ADARB2: variants seen among roughly 807,000 people sequenced by gnomAD.
ADARB2 encodes inactive double-stranded RNA-specific editase B2.
In ADARB2, 25 loss-of-function variants were observed where a neutral mutation model predicts 62.2. The observed-to-expected ratio is 0.40, with a 90% CI of 0.29 to 0.56. ADARB2 has a LOEUF of 0.56. Among genes scored for constraint, ADARB2 ranks in the 20% least tolerant of loss-of-function variants. ADARB2 has a pLI of 0.43. For synonymous variants in ADARB2, 572 were observed against 500.8 expected, an observed-to-expected ratio of 1.14 and a Z score of -1.90; for missense variants, 1,071 against 1,077.4, an observed-to-expected ratio of 0.99 and a Z score of 0.08.
At chr10:1,648,011 A>G (rs1834068113) in intron 1 of ADARB2, among the ~76,000 whole-genome samples, 1 of 152,206 alleles carries the variant, frequency 6.6e-6, no homozygotes, top group African/African-American at 2.4e-5. Context: ...GAGTGGATAC[A>G]TGTCTTCTCT....
intron 1 of ADARB2, among the ~76,000 whole-genome samples, chr10:1,558,639 GCCCCCC>G (rs1564330155): frequency 7.0e-4 from 89 of 126,480 alleles, no homozygotes; most frequent in African/African-American, 2.5e-3. Context: ...TCCCACCTCT[GCCCCCC>G]TCCGTGGGTG....
At chr10:1,287,326 A>T (rs962107355) in intron 3 of ADARB2, among the ~76,000 whole-genome samples, 1 of 152,252 alleles carries the variant, frequency 6.6e-6, no homozygotes. Context: ...ATACATATAC[A>T]CATTGTGGGA....
At chr10:1,694,953 G>A (rs1834720452) in intron 1 of ADARB2, among the ~76,000 whole-genome samples, 1 of 152,170 alleles carries the variant, frequency 6.6e-6, no homozygotes. Flanking sequence ...AGGTTACACA[G>A]CTCCACGCCT....
At chr10:1,425,035 G>A (rs866796825) in intron 1 of ADARB2, among the ~76,000 whole-genome samples, 1 of 152,156 alleles carries the variant, frequency 6.6e-6, no homozygotes, top group East Asian at 1.9e-4. Context: ...CTCTTCTAAC[G>A]CACGTCCTGG....
At chr10:1,277,734 C>T (rs892751229) in intron 3 of ADARB2, among the ~76,000 whole-genome samples, 25 of 152,134 alleles carry the variant, frequency 1.6e-4, no homozygotes, top group Non-Finnish European at 2.8e-4. Context: ...AAAAGAGGGA[C>T]TCCTCCCTAA....
chr10:1,233,060 G>C (rs1267261330), intron 6 of ADARB2, among the ~76,000 whole-genome samples: 1 of 152,084 alleles, frequency 6.6e-6, no homozygotes, highest in Non-Finnish European at 1.5e-5. Context: ...TGGAGTTGCT[G>C]ATGTCAAGGG....
intron 1 of ADARB2, among the ~76,000 whole-genome samples, chr10:1,424,434 C>T (rs986172890): frequency 6.6e-6 from 1 of 152,146 alleles, no homozygotes; most frequent in Admixed American, 6.5e-5. Flanking sequence ...GCTCTGAGGC[C>T]TCTTCCTCGT....
At chr10:1,487,440 G>C (rs1459963262) in intron 1 of ADARB2, among the ~76,000 whole-genome samples, 1 of 152,180 alleles carries the variant, frequency 6.6e-6, no homozygotes, top group Admixed American at 6.5e-5. Context: ...CTCTTGAGGG[G>C]AAGGAGAGGA....
Position 1,398,025 on chromosome 10 carries a change from C to G in ADARB2, c.101-18865G>C, listed in dbSNP as rs1348235257. Among the ~76,000 whole-genome samples the G allele has an allele frequency of 8.5e-6, 1 of 117,774 alleles. No individual in the cohort carries two copies. The highest frequency in any genetic ancestry group is 7.1e-3 in the Middle Eastern group (1 of 140). The allele number at this position is 117,774 out of a possible 152,430, so 77.3% of individuals were successfully genotyped here. A position where few individuals can be genotyped will look rare whatever the true frequency, so the allele number is the denominator to read the frequency against. ...CCGTCCTCCTCTCCCCTCCCGAGTG[C>G]AGGCTTCCTGGGTCACCGTCCTCCT... On this transcript the variant is annotated intron_variant, in intron 1 of 9. Transcript: ENST00000381312. This position sits in a 1 kb window ranked among gnomAD's most constrained non-coding sequence, Gnocchi z 4.1.
intron 1 of ADARB2, among the ~76,000 whole-genome samples, chr10:1,522,960 G>A (rs1426838071): frequency 6.6e-6 from 1 of 152,056 alleles, no homozygotes; most frequent in South Asian, 2.1e-4. Context: ...CAATGTTATT[G>A]CTTATAAAGC....
intron 1 of ADARB2, among the ~76,000 whole-genome samples, chr10:1,494,481 C>G (rs1033584772): frequency 2.6e-5 from 4 of 152,144 alleles, no homozygotes; most frequent in African/African-American, 4.8e-5. Context: ...CAAAAATGAC[C>G]CTTTGTTCTA....
intron 7 of ADARB2, among the ~76,000 whole-genome samples, chr10:1,208,210 C>T (rs914606006): frequency 2.0e-5 from 3 of 152,342 alleles, no homozygotes; most frequent in Admixed American, 6.5e-5. Context: ...TCCTGAAGAC[C>T]GGATAGGTGA....
intron 1 of ADARB2, among the ~76,000 whole-genome samples, chr10:1,579,899 T>A (rs1229101137): frequency 6.6e-6 from 1 of 152,176 alleles, no homozygotes; most frequent in African/African-American, 2.4e-5. Context: ...CAGACATGCC[T>A]GGTGTCTCTA....
At chr10:1,510,096 T>TCTCTC (rs1831906380) in intron 1 of ADARB2, among the ~76,000 whole-genome samples, 3 of 124,832 alleles carry the variant, frequency 2.4e-5, no homozygotes, top group South Asian at 2.7e-4. Context: ...TCTCTCTCTC[T>TCTCTC]TTTCTTTCTT....
At chr10:1,543,998 C>A (rs1483241020) in intron 1 of ADARB2, among the ~76,000 whole-genome samples, 108 of 81,870 alleles carry the variant, frequency 1.3e-3, no homozygotes, top group East Asian at 1.9e-3. Flanking sequence ...GGCAGGTGAC[C>A]AAAAAAAAAA....
intron 1 of ADARB2, among the ~76,000 whole-genome samples, chr10:1,381,153 C>G (rs1029695291): frequency 7.2e-6 from 1 of 139,414 alleles, no homozygotes; most frequent in African/African-American, 2.6e-5. Flanking sequence ...GTGGGACACA[C>G]ACATATATAT....
chr10:1,288,738 G>T (rs1473702624), intron 3 of ADARB2, among the ~76,000 whole-genome samples: 1 of 152,246 alleles, frequency 6.6e-6, no homozygotes, highest in East Asian at 1.9e-4. Flanking sequence ...CAGGCAGGCA[G>T]CCACCTGCAT....
At chr10:1,425,433 T>G (rs1016805293) in intron 1 of ADARB2, among the ~76,000 whole-genome samples, 5 of 152,256 alleles carry the variant, frequency 3.3e-5, no homozygotes, top group African/African-American at 1.2e-4. Context: ...TTGCTTTGAT[T>G]GAATCAATTC....
At chr10:1,412,893 G>A (rs575677165) in intron 1 of ADARB2, among the ~76,000 whole-genome samples, 1 of 152,346 alleles carries the variant, frequency 6.6e-6, no homozygotes, top group East Asian at 1.9e-4. Flanking sequence ...GTGTTTTTGT[G>A]ACTTTAACGT....
Sources: gnomAD v4.1 joint callset for allele counts (sites outside exome capture counted in the v4.1 genomes callset) on GRCh38, gnomAD v4.1.1 for gene constraint, Gnocchi (gnomAD v3.1) non-coding constraint, MANE v1.5 for transcripts, NCBI Gene and HGNC (gene_info 2026-07-23, HGNC 2026-07-21) for gene names.